HDAC4: variants seen among roughly 807,000 people sequenced by gnomAD.
HDAC4 encodes histone deacetylase A.
Under a neutral mutation model 135.1 loss-of-function variants are expected in HDAC4, and 16 were observed. The observed-to-expected ratio is 0.12, with a 90% confidence interval of 0.08 to 0.18. HDAC4 has a LOEUF of 0.18. Among genes scored for constraint, HDAC4 ranks in the 10% least tolerant of loss-of-function variants. The pLI, the probability that HDAC4 is intolerant of heterozygous loss-of-function variation, is 1.00. For synonymous variants in HDAC4, 685 were observed against 653.4 expected (o/e 1.05, Z -0.74); for missense variants, 1,143 against 1,511.8 (o/e 0.76, Z 4.05).
rs558756608 is a variant in HDAC4 at position 239,231,058 on chromosome 2, C to T, written c.94+5535G>A. 3.4e-4 allele frequency among the ~76,000 whole-genome samples: 52 copies of T among 152,274 alleles called. 1 individual carries two copies. Among genetic ancestry groups the T allele is most frequent in the Admixed American group, 1.1e-3 (17 of 15,308 alleles). On this transcript the variant is annotated intron_variant, in intron 3 of 26. Coordinates refer to ENST00000543185, the MANE Select transcript of HDAC4 (RefSeq NM_001378414.1). ...ACGCTGAAGCCAAACGTGAATTTTG[C>T]GTTATTTTGGAGAGTTTCTCTACAG...
At chr2:239,092,486 G>A (rs1467212357) in intron 17 of HDAC4, among the ~76,000 whole-genome samples, 1 of 152,194 alleles carries the variant, frequency 6.6e-6, no homozygotes, top group African/African-American at 2.4e-5. Context: ...GTGTTCTGAA[G>A]GGTCTTCTGG....
chr2:239,136,830 G>C (rs2040994609), intron 9 of HDAC4, among the ~76,000 whole-genome samples: 1 of 152,196 alleles, frequency 6.6e-6, no homozygotes, highest in Non-Finnish European at 1.5e-5. Context: ...CTACAGAACA[G>C]AAAGCCCGGC....
rs760974942 is a variant in HDAC4 at position 239,114,305 on chromosome 2, G to A, written c.1791+748C>T. Among the ~76,000 whole-genome samples, 8 of 152,292 alleles carry A rather than the reference G, an allele frequency of 5.3e-5. 1 individual carries two copies. The South Asian group carries it at 6.2e-4, about 12-fold the overall frequency. The stretch of plus-strand genomic sequence containing the variant: ...GAACGAGCCAGTGGCTCCTGCAGCC[G>A]AGGCAGCAGCTCTGCTGCTGGAGGA... On this transcript the variant is annotated intron_variant, in intron 13 of 26. Transcript: ENST00000543185.
chr2:239,159,227 T>C, intron 6 of HDAC4, among the ~76,000 whole-genome samples: 1 of 140,058 alleles, frequency 7.1e-6, no homozygotes, highest in South Asian at 2.4e-4. Context: ...CACCCACATC[T>C]CACTTTTCAC....
At chr2:239,283,779 G>A (rs939882948) in intron 2 of HDAC4, among the ~76,000 whole-genome samples, 3 of 152,248 alleles carry the variant, frequency 2.0e-5, no homozygotes, top group Non-Finnish European at 4.4e-5. Context: ...CCTTGATGGC[G>A]TTTTGGTGGA....
At chr2:239,302,573 C>T (rs568189477) in intron 2 of HDAC4, among the ~76,000 whole-genome samples, 32 of 152,344 alleles carry the variant, frequency 2.1e-4, no homozygotes, top group African/African-American at 6.3e-4. Flanking sequence ...CTGCAGCGGG[C>T]GCTGCCCCTC....
At chr2:239,168,616 T>A (rs11679247) in intron 5 of HDAC4, among the ~76,000 whole-genome samples, 2 of 152,090 alleles carry the variant, frequency 1.3e-5, no homozygotes, top group Non-Finnish European at 2.9e-5. Context: ...TTCAAATGCT[T>A]AGATGCTGGC....
intron 2 of HDAC4, among the ~76,000 whole-genome samples, chr2:239,327,399 C>T (rs1414089557): frequency 6.6e-6 from 1 of 152,256 alleles, no homozygotes; most frequent in Admixed American, 6.5e-5. Context: ...GCCCTCAGAA[C>T]CTGCTCTGCA....
intron 2 of HDAC4, among the ~76,000 whole-genome samples, chr2:239,312,014 A>C (rs2052903894): frequency 6.6e-6 from 1 of 152,208 alleles, no homozygotes. Context: ...ACAGAGAAGA[A>C]TGCCCACTAA....
At chr2:239,133,994 G>A (rs918022085) in intron 11 of HDAC4, among the ~76,000 whole-genome samples, 1 of 152,168 alleles carries the variant, frequency 6.6e-6, no homozygotes, top group Non-Finnish European at 1.5e-5. Context: ...AAGAGCCGGT[G>A]GCCTCTCCCA....
Position 239,131,106 on chromosome 2 carries a change from C to A in HDAC4, c.1294+3139G>T, listed in dbSNP as rs2040549744. ...TGCGGAGTGCCGCACTGGAGCAGCACATGAACAGGGACATAGAAGAGGCAC... is the reference window on the plus strand; with the variant it reads ...TGCGGAGTGCCGCACTGGAGCAGCAAATGAACAGGGACATAGAAGAGGCAC... On this transcript the variant is annotated intron_variant, in intron 11 of 26. Coordinates refer to ENST00000543185, the MANE Select transcript of HDAC4 (RefSeq NM_001378414.1). 1.3e-5 allele frequency among the ~76,000 whole-genome samples: 2 copies of A among 152,230 alleles called. 1 individual carries two copies. Among genetic ancestry groups the A allele is most frequent in the African/African-American group, 4.8e-5 (2 of 41,454 alleles).
intron 2 of HDAC4, among the ~76,000 whole-genome samples, chr2:239,329,349 C>T (rs1691398086): frequency 6.6e-6 from 1 of 152,164 alleles, no homozygotes; most frequent in African/African-American, 2.4e-5. Context: ...TCACTCATCA[C>T]CAAAAGAGAA....
chr2:239,344,015 G>T (rs1692462976), intron 2 of HDAC4, among the ~76,000 whole-genome samples: 1 of 152,126 alleles, frequency 6.6e-6, no homozygotes, highest in African/African-American at 2.4e-5. Context: ...CGCGCAGTGG[G>T]GTTGACTGAG....
intron 2 of HDAC4, among the ~76,000 whole-genome samples, chr2:239,274,789 T>G (rs1245402828): frequency 1.3e-5 from 2 of 152,010 alleles, no homozygotes; most frequent in African/African-American, 4.8e-5. Context: ...GGCTCAGAAG[T>G]CCCAGGTGGA....
chr2:239,393,077 T>G (rs1438348109), intron 1 of HDAC4, among the ~76,000 whole-genome samples: 1 of 152,090 alleles, frequency 6.6e-6, no homozygotes, highest in African/African-American at 2.4e-5. Flanking sequence ...CCCCCTCCCT[T>G]CTGGATGCGG....
rs1033772933 is a variant in HDAC4, at chr2:239,134,532, A to T, written c.1090T>A (p.Ser364Thr). 7 of 1,613,772 alleles carry T rather than the reference A, an allele frequency of 4.3e-6. No homozygotes were observed. Among genetic ancestry groups the T allele is most frequent in the Non-Finnish European group, 4.2e-6 (5 of 1,179,848 alleles). ...ACCCACGGGGGCTGACTTACCGCAG[A>T]GGGGCCGGTGGCAGGCAGGCCCAGC... is the stretch of plus-strand genomic sequence containing the variant. ...ITLGLPATGP[S>T]AGTAGQQDAE... The change falls in exon 10 of 27, where the codon TCT (serine) becomes ACT (threonine). Residue 364 changes from serine to threonine, a missense_variant. Transcript: ENST00000543185.
intron 3 of HDAC4, among the ~76,000 whole-genome samples, chr2:239,231,243 C>T (rs1011638051): frequency 2.6e-5 from 4 of 152,188 alleles, no homozygotes; most frequent in African/African-American, 9.7e-5. Flanking sequence ...CTCAGGAAAC[C>T]GTGGAACGTG....
At chr2:239,260,350 T>C (rs1485468683) in intron 2 of HDAC4, among the ~76,000 whole-genome samples, 1 of 152,208 alleles carries the variant, frequency 6.6e-6, no homozygotes, top group Non-Finnish European at 1.5e-5. Context: ...GTTTTATATG[T>C]CCCAGTTTCT....
intron 2 of HDAC4, among the ~76,000 whole-genome samples, chr2:239,314,944 C>G (rs566457116): frequency 1.4e-4 from 21 of 152,152 alleles, no homozygotes; most frequent in Non-Finnish European, 1.9e-4. Flanking sequence ...ACCCTCCTCC[C>G]TTTTGGAATT....
Sources: allele counts gnomAD v4.1 joint callset (sites outside exome capture counted in the v4.1 genomes callset), GRCh38; gene constraint gnomAD v4.1.1; transcripts MANE v1.5; gene names NCBI Gene and HGNC (gene_info 2026-07-23, HGNC 2026-07-21).